Variants in GRM3 observed in about 807,000 individuals in gnomAD.
GRM3 encodes metabotropic glutamate receptor 3.
Under a neutral mutation model 70.5 loss-of-function variants are expected in GRM3, and 26 were observed. The ratio of observed to expected loss-of-function variants is 0.37; its 90% CI spans 0.27 to 0.51. The LOEUF (loss-of-function observed/expected upper bound fraction) is 0.51, where lower values mean the gene tolerates loss of function less well. Ranked by LOEUF, GRM3 falls within the 20% of genes least tolerant of loss-of-function variation. GRM3 has a pLI of 0.93. For synonymous variants in GRM3, 443 were observed against 434.9 expected (o/e 1.02, Z -0.23); for missense variants, 859 against 1,123.8 (o/e 0.76, Z 3.37).
At chr7:86,666,570 G>A (rs561765748) in intron 1 of GRM3, among the ~76,000 whole-genome samples, 1 of 152,124 alleles carries the variant, frequency 6.6e-6, no homozygotes. Context: ...AAAGCCAGAT[G>A]TTTTTTGTTA....
chr7:86,791,387 T>C (rs1797413620), intron 3 of GRM3, among the ~76,000 whole-genome samples: 1 of 152,262 alleles, frequency 6.6e-6, no homozygotes, highest in Admixed American at 6.5e-5. Context: ...GCTTGCTTTT[T>C]TACCTAAGTA....
At chr7:86,752,211 A>G (rs1796246799) in intron 1 of GRM3, among the ~76,000 whole-genome samples, 1 of 152,138 alleles carries the variant, frequency 6.6e-6, no homozygotes, top group African/African-American at 2.4e-5. Flanking sequence ...GTCTGACCTT[A>G]CAATACTGTA....
chr7:86,821,981 G>C (rs1187789697), intron 3 of GRM3, among the ~76,000 whole-genome samples: 1 of 148,178 alleles, frequency 6.7e-6, no homozygotes, highest in Non-Finnish European at 1.5e-5. Flanking sequence ...ATAAAACATT[G>C]TTCAAAGAAG....
At chr7:86,832,966 G>A in intron 3 of GRM3, 1 of 969,638 alleles carries the variant, frequency 1.0e-6, no homozygotes, top group Non-Finnish European at 1.2e-6. Context: ...AAGGTTGTAA[G>A]TCTTTTATAA....
chr7:86,697,262 G>C (rs913570731), intron 1 of GRM3, among the ~76,000 whole-genome samples: 1 of 150,316 alleles, frequency 6.7e-6, no homozygotes, highest in Non-Finnish European at 1.5e-5. Context: ...AGAGAAGTAA[G>C]GACAATTATA....
intron 3 of GRM3, among the ~76,000 whole-genome samples, chr7:86,811,067 T>G (rs902180499): frequency 6.6e-6 from 1 of 151,864 alleles, no homozygotes; most frequent in African/African-American, 2.4e-5. Context: ...AACATCAATT[T>G]TCATGTGGAT....
At chr7:86,669,110 T>C (rs1794106358) in intron 1 of GRM3, among the ~76,000 whole-genome samples, 1 of 152,132 alleles carries the variant, frequency 6.6e-6, no homozygotes, top group East Asian at 1.9e-4. Context: ...AGAAAATAAC[T>C]AGATGGAATA....
chr7:86,689,263 CTA>C (rs1027688306), intron 1 of GRM3, among the ~76,000 whole-genome samples: 4 of 151,716 alleles, frequency 2.6e-5, no homozygotes, highest in African/African-American at 9.7e-5. Flanking sequence ...TATAGCTACA[CTA>C]TATAGAAAGT....
At chr7:86,846,958 TTA>T (rs1798667132) in intron 4 of GRM3, among the ~76,000 whole-genome samples, 1 of 152,140 alleles carries the variant, frequency 6.6e-6, no homozygotes, top group Admixed American at 6.6e-5. Flanking sequence ...GCAAAAACCT[TTA>T]TGACTCACAG....
intron 1 of GRM3, among the ~76,000 whole-genome samples, chr7:86,656,260 CTT>C (rs1165969016): frequency 8.4e-5 from 7 of 83,276 alleles, no homozygotes; most frequent in South Asian, 5.0e-4. Flanking sequence ...ATACTATGTT[CTT>C]TTTTTTTTTT....
At chr7:86,687,571 A>G (rs999142050) in intron 1 of GRM3, among the ~76,000 whole-genome samples, 9 of 151,662 alleles carry the variant, frequency 5.9e-5, no homozygotes, top group African/African-American at 1.9e-4. Context: ...CAGAAAAACA[A>G]AAGCCGAGAA....
intron 1 of GRM3, among the ~76,000 whole-genome samples, chr7:86,724,310 GC>G (rs1215064517): frequency 1.3e-5 from 2 of 152,106 alleles, no homozygotes; most frequent in African/African-American, 4.8e-5. Context: ...CAATAGGAGT[GC>G]CTGGGAAAGG....
intron 3 of GRM3, among the ~76,000 whole-genome samples, chr7:86,802,905 T>C (rs1357453562): frequency 1.3e-5 from 2 of 152,168 alleles, no homozygotes; most frequent in South Asian, 4.1e-4. Flanking sequence ...AAGTTAAAAA[T>C]TTTAAATGCA....
At chr7:86,726,760 A>T (rs1338828631) in intron 1 of GRM3, among the ~76,000 whole-genome samples, 1 of 152,214 alleles carries the variant, frequency 6.6e-6, no homozygotes, top group African/African-American at 2.4e-5. Flanking sequence ...CTTCGCATTC[A>T]CTGTTCAGCT....
At chr7:86,765,965 T>A (rs1283894401) in intron 2 of GRM3, among the ~76,000 whole-genome samples, 1 of 152,138 alleles carries the variant, frequency 6.6e-6, no homozygotes, top group Non-Finnish European at 1.5e-5. Context: ...TTGTCTCTTA[T>A]CCTCCTCCTG....
intron 1 of GRM3, among the ~76,000 whole-genome samples, chr7:86,755,951 T>G (rs75633017): frequency 6.6e-6 from 1 of 152,172 alleles, no homozygotes. Context: ...CTTACAGATT[T>G]TCTTCTGTAT....
At chr7:86,823,615 G>A (rs1412555359) in intron 3 of GRM3, among the ~76,000 whole-genome samples, 17 of 121,568 alleles carry the variant, frequency 1.4e-4, no homozygotes, top group Admixed American at 6.6e-4. Flanking sequence ...TGGCGGGGGG[G>A]GATTAGTGCA....
chr7:86,723,531 G>A (rs1795523395), intron 1 of GRM3, among the ~76,000 whole-genome samples: 1 of 152,132 alleles, frequency 6.6e-6, no homozygotes, highest in Non-Finnish European at 1.5e-5. Flanking sequence ...TAGCAAAGAT[G>A]AATTGTCATC....
chr7:86,835,430 G>A (rs1466946730), intron 3 of GRM3, among the ~76,000 whole-genome samples: 2 of 152,024 alleles, frequency 1.3e-5, no homozygotes, highest in African/African-American at 4.8e-5. Flanking sequence ...AATAATCTTG[G>A]AGTAGGAAAG....
Sources: gnomAD v4.1 joint callset for allele counts (sites outside exome capture counted in the v4.1 genomes callset) on GRCh38, gnomAD v4.1.1 for gene constraint, MANE v1.5 for transcripts, NCBI Gene and HGNC (gene_info 2026-07-23, HGNC 2026-07-21) for gene names.